ANKS1A: variants seen among roughly 807,000 people sequenced by gnomAD.
ANKS1A encodes the protein ankyrin repeat and sterile alpha motif domain containing 1A.
In ANKS1A, 55 loss-of-function variants were observed where a neutral mutation model predicts 120.3. The ratio of observed to expected loss-of-function variants is 0.46; its 90% CI spans 0.37 to 0.57. ANKS1A has a LOEUF of 0.57. Ranked by LOEUF, ANKS1A falls within the 20% of genes least tolerant of loss-of-function variation. The probability of loss-of-function intolerance (pLI) is 0.00; values close to 1 mark genes in which losing one functional copy is unlikely to be tolerated. For synonymous variants in ANKS1A, 590 were observed against 604.7 expected, an observed-to-expected ratio of 0.98 and a Z score of 0.36; for missense variants, 1,123 against 1,480.3, an observed-to-expected ratio of 0.76 and a Z score of 3.96.
At position 35,057,475 on chromosome 6, in the gene ANKS1A, C is replaced by T. The variant is rs751849461; in HGVS notation, c.2078-2672C>T. ...CCCTCTCTTTTCCAGGGCTCATCTA[C>T]AGCCTATTGGGATACCAGTATCTCC... On this transcript the variant is annotated intron_variant, in intron 12 of 23. Transcript: ENST00000360359. This position sits in a 1 kb window ranked among gnomAD's most constrained non-coding sequence, Gnocchi z 4.1. Among the ~76,000 whole-genome samples the T allele has an allele frequency of 6.6e-6, 1 of 152,194 alleles. No individual in the cohort carries two copies. The highest frequency in any genetic ancestry group is 2.1e-4 in the South Asian group (1 of 4,834).
chr6:34,973,700 C>T (rs77494753), intron 3 of ANKS1A, among the ~76,000 whole-genome samples: 1 of 152,156 alleles, frequency 6.6e-6, no homozygotes, highest in Non-Finnish European at 1.5e-5. Context: ...CAAAGGAAGC[C>T]CCCTATGGGC....
intron 1 of ANKS1A, among the ~76,000 whole-genome samples, chr6:34,910,016 T>C (rs1219992533): frequency 1.3e-5 from 2 of 152,178 alleles, no homozygotes; most frequent in Non-Finnish European, 2.9e-5. Flanking sequence ...GAGATGCCCA[T>C]GTAAAGGAGT....
chr6:34,904,037 T>A (rs1581670298), intron 1 of ANKS1A, among the ~76,000 whole-genome samples: 1 of 152,278 alleles, frequency 6.6e-6, no homozygotes, highest in East Asian at 1.9e-4. Context: ...TGGGACTTTT[T>A]AAAAAATATG....
At chr6:34,996,949 C>T (rs1405889725) in intron 10 of ANKS1A, among the ~76,000 whole-genome samples, 1 of 152,152 alleles carries the variant, frequency 6.6e-6, no homozygotes, top group East Asian at 1.9e-4. Flanking sequence ...CTTCCTTTCG[C>T]TATTGAATTG....
chr6:35,077,517 C>T (rs1777432988), intron 13 of ANKS1A, among the ~76,000 whole-genome samples: 2 of 152,290 alleles, frequency 1.3e-5, no homozygotes, highest in South Asian at 2.1e-4. Flanking sequence ...GCTCTGGGGA[C>T]GTCCAGGAAG....
At chr6:35,041,518 T>C (rs2820223) in intron 11 of ANKS1A, among the ~76,000 whole-genome samples, 58,362 of 152,092 alleles carry the variant, frequency 0.38, 13,846 homozygotes, top group Non-Finnish European at 0.51. Flanking sequence ...TAATTGCAAC[T>C]TGCAAGACTC....
intron 10 of ANKS1A, among the ~76,000 whole-genome samples, chr6:35,013,335 C>T (rs889724521): frequency 4.6e-5 from 7 of 152,060 alleles, no homozygotes; most frequent in Non-Finnish European, 2.9e-5. Flanking sequence ...CGCTGTGTCT[C>T]CCAGGCTGGA....
At chr6:34,957,334 A>G (rs2127497998) in intron 1 of ANKS1A, among the ~76,000 whole-genome samples, 1 of 152,326 alleles carries the variant, frequency 6.6e-6, no homozygotes, top group African/African-American at 2.4e-5. Flanking sequence ...ATGGTTTCAT[A>G]GACTCCTTGT....
At chr6:34,968,171 G>A (rs1469646192) in intron 2 of ANKS1A, among the ~76,000 whole-genome samples, 1 of 152,112 alleles carries the variant, frequency 6.6e-6, no homozygotes, top group Admixed American at 6.5e-5. Flanking sequence ...CCTGAGTATA[G>A]AGAAGTTATT....
chr6:35,047,138 G>T (rs1482607340), intron 11 of ANKS1A, among the ~76,000 whole-genome samples: 1 of 152,160 alleles, frequency 6.6e-6, no homozygotes, highest in South Asian at 2.1e-4. Context: ...GTAAACTGCA[G>T]GAAATCTCAA....
In ANKS1A at chr6:34,982,744, C is replaced by T; in HGVS notation, c.733-8C>T. 1 of 1,614,252 alleles carries T rather than the reference C, an allele frequency of 6.2e-7. No homozygotes were observed. The highest frequency in any genetic ancestry group is 8.5e-7 in the Non-Finnish European group (1 of 1,180,038). On this transcript the variant is annotated splice_polypyrimidine_tract_variant and splice_region_variant and intron_variant, in intron 4 of 23. Transcript: ENST00000360359. This position sits in a 1 kb window ranked among gnomAD's most constrained non-coding sequence, Gnocchi z 4.9. ...ACATCCCGCTCTGCGCTCTCGTTTGCTTTCCAGACGGAGATGGGCAGTGCT... is the reference window on the plus strand; with the variant it reads ...ACATCCCGCTCTGCGCTCTCGTTTGTTTTCCAGACGGAGATGGGCAGTGCT...
chr6:34,891,298 T>C (rs879720209), intron 1 of ANKS1A, among the ~76,000 whole-genome samples: 2 of 152,292 alleles, frequency 1.3e-5, no homozygotes, highest in African/African-American at 2.4e-5. Flanking sequence ...CCTTGAGAGG[T>C]TGGGCATAAT....
Position 35,057,914 on chromosome 6 carries a change from C to G in ANKS1A, c.2078-2233C>G, listed in dbSNP as rs1267542389. Among the ~76,000 whole-genome samples the G allele has an allele frequency of 1.3e-5, 2 of 152,246 alleles. No homozygotes were observed. The highest frequency in any genetic ancestry group is 4.8e-5 in the African/African-American group (2 of 41,458). On this transcript the variant is annotated intron_variant, in intron 12 of 23. Coordinates refer to ENST00000360359, the MANE Select transcript of ANKS1A (RefSeq NM_015245.3). The surrounding 1 kb of genome is among the most constrained non-coding windows in gnomAD (Gnocchi z 4.1). ...GTCCTGGAAACTGTCGAACAAAGCT[C>G]TAGGAGCAGTCCCTCTCTATTCTTC...
intron 1 of ANKS1A, among the ~76,000 whole-genome samples, chr6:34,946,802 T>A (rs904418529): frequency 1.2e-4 from 19 of 152,214 alleles, no homozygotes; most frequent in African/African-American, 4.6e-4. Context: ...GAAATATCAA[T>A]ACAACTTTTT....
chr6:34,907,325 A>C lies in ANKS1A; in HGVS notation c.197+17726A>C, dbSNP rs76632902. Among the ~76,000 whole-genome samples the C allele has an allele frequency of 9.3e-3, 1,418 of 152,208 alleles. 52 individuals are homozygous for C. The highest frequency in any genetic ancestry group is 0.072 in the Admixed American group (1,106 of 15,294). ...TTAATTTCTTAAGTTTTGATCAATG[A>C]TTTCTTAAGTTTTGATCAATGTACA... On this transcript the variant is annotated intron_variant, in intron 1 of 23. Transcript: ENST00000360359.
At chr6:34,976,759 T>TAAA (rs1249686756) in intron 3 of ANKS1A, among the ~76,000 whole-genome samples, 4 of 124,316 alleles carry the variant, frequency 3.2e-5, no homozygotes, top group Non-Finnish European at 7.1e-5. Flanking sequence ...CTTTGCTTTT[T>TAAA]CTCTTTCTGT....
chr6:34,991,655 T>C (rs1039138000), intron 9 of ANKS1A, among the ~76,000 whole-genome samples: 30 of 114,962 alleles, frequency 2.6e-4, no homozygotes, highest in African/African-American at 7.9e-4. Context: ...CACACATATA[T>C]ATACACATAT....
intron 10 of ANKS1A, among the ~76,000 whole-genome samples, chr6:35,007,692 T>C (rs1773536199): frequency 6.6e-6 from 1 of 152,234 alleles, no homozygotes; most frequent in African/African-American, 2.4e-5. Flanking sequence ...GGTGAAGTGG[T>C]ACTTAACAGA....
intron 10 of ANKS1A, among the ~76,000 whole-genome samples, chr6:34,998,872 C>T (rs1021032354): frequency 2.0e-5 from 3 of 152,154 alleles, no homozygotes; most frequent in East Asian, 3.9e-4. Flanking sequence ...AGGTGATTAA[C>T]GGATGGTTGA....
Sources: gnomAD v4.1 joint callset for allele counts (sites outside exome capture counted in the v4.1 genomes callset) on GRCh38, gnomAD v4.1.1 for gene constraint, Gnocchi (gnomAD v3.1) non-coding constraint, MANE v1.5 for transcripts, NCBI Gene and HGNC (gene_info 2026-07-23, HGNC 2026-07-21) for gene names.